Variants in TBX20 observed in about 807,000 individuals in gnomAD.
TBX20 encodes T-box transcription factor TBX20.
Under a neutral mutation model 42.9 loss-of-function variants are expected in TBX20, and 8 were observed. The observed-to-expected ratio is 0.19, with a 90% CI of 0.11 to 0.34. TBX20 has a LOEUF of 0.34. TBX20 is among the 10% of genes least tolerant of loss of function. The probability of loss-of-function intolerance (pLI) is 1.00; values close to 1 mark genes in which losing one functional copy is unlikely to be tolerated. For missense variants in TBX20, 411 were observed against 566.0 expected (o/e 0.73, Z 2.78); for synonymous variants, 198 against 222.8 (o/e 0.89, Z 0.99).
chr7:35,225,551 T>A (rs1469297998), intron 6 of TBX20, among the ~76,000 whole-genome samples: 2 of 152,204 alleles, frequency 1.3e-5, no homozygotes, highest in African/African-American at 4.8e-5. Flanking sequence ...TAGGCCTAGA[T>A]GTGTGCCTAA....
chr7:35,225,915 A>G (rs1405596205), intron 6 of TBX20, among the ~76,000 whole-genome samples: 1 of 152,206 alleles, frequency 6.6e-6, no homozygotes, highest in Non-Finnish European at 1.5e-5. Context: ...ATTTATGAAA[A>G]TTACAACCAT....
intron 7 of TBX20, among the ~76,000 whole-genome samples, chr7:35,203,710 G>C (rs532903000): frequency 6.6e-6 from 1 of 152,322 alleles, no homozygotes; most frequent in Non-Finnish European, 1.5e-5. Flanking sequence ...CACAGGAGTT[G>C]GTTCCCCAAC....
At chr7:35,234,458 T>G (rs1452127284) in intron 5 of TBX20, among the ~76,000 whole-genome samples, 1 of 152,200 alleles carries the variant, frequency 6.6e-6, no homozygotes, top group African/African-American at 2.4e-5. Context: ...CTGCCATACT[T>G]TGAGCAAAGG....
intron 3 of TBX20, among the ~76,000 whole-genome samples, chr7:35,248,054 T>G (rs566944555): frequency 2.0e-5 from 3 of 152,212 alleles, no homozygotes; most frequent in Admixed American, 1.3e-4. Flanking sequence ...ATCCCTAATA[T>G]GTTAACTGAG....
At chr7:35,238,042 A>G (rs1286638825) in intron 5 of TBX20, among the ~76,000 whole-genome samples, 1 of 152,124 alleles carries the variant, frequency 6.6e-6, no homozygotes, top group African/African-American at 2.4e-5. Context: ...CAAATCTGCA[A>G]TGGGAGGAGC....
Position 35,235,265 on chromosome 7 carries a change from A to G in TBX20, c.814-3685T>C, listed in dbSNP as rs562915279. Among the ~76,000 whole-genome samples the G allele has an allele frequency of 1.2e-4, 18 of 148,678 alleles. No homozygotes were observed. The East Asian group carries it at 3.1e-3, about 26-fold the overall frequency. ...ATTCATTTTTAAGGTGTAGTTTTAC[A>G]TCTCTTTATGAAATTTGGGATAACT... is the stretch of plus-strand genomic sequence containing the variant. On this transcript the variant is annotated intron_variant, in intron 5 of 7. Transcript: ENST00000408931.
chr7:35,219,966 C>G (rs1337718260), intron 6 of TBX20, among the ~76,000 whole-genome samples: 1 of 152,110 alleles, frequency 6.6e-6, no homozygotes, highest in Non-Finnish European at 1.5e-5. Flanking sequence ...TATAGAGACT[C>G]TTAGCATGAA....
chr7:35,246,949 A>T (rs1790201362), intron 3 of TBX20, among the ~76,000 whole-genome samples: 1 of 152,082 alleles, frequency 6.6e-6, no homozygotes, highest in Non-Finnish European at 1.5e-5. Context: ...AGTCCCCCAG[A>T]GACTTAAAAT....
chr7:35,253,237 C>T (rs1271963320), intron 1 of TBX20, among the ~76,000 whole-genome samples: 1 of 152,222 alleles, frequency 6.6e-6, no homozygotes, highest in Non-Finnish European at 1.5e-5. Context: ...TACACACACA[C>T]CATATGTCTG....
At chr7:35,222,903 C>A (rs1789706811) in intron 6 of TBX20, among the ~76,000 whole-genome samples, 1 of 152,154 alleles carries the variant, frequency 6.6e-6, no homozygotes, top group Admixed American at 6.5e-5. Flanking sequence ...ATCAAACTTC[C>A]TTTCTTTGGA....
chr7:35,234,832 G>A (rs967636369), intron 5 of TBX20, among the ~76,000 whole-genome samples: 3 of 152,122 alleles, frequency 2.0e-5, no homozygotes, highest in African/African-American at 7.2e-5. Context: ...AAAATTGTAT[G>A]GGAGCTCTGG....
At chr7:35,214,723 AAAC>A (rs573900641) in intron 6 of TBX20, among the ~76,000 whole-genome samples, 108 of 152,326 alleles carry the variant, frequency 7.1e-4, no homozygotes, top group African/African-American at 1.8e-3. Flanking sequence ...ACCGCTAATA[AAAC>A]AACAACTATA....
At chr7:35,240,828 C>A in intron 5 of TBX20, 51 bp downstream of exon 5, 2 of 1,537,774 alleles carry the variant, frequency 1.3e-6, no homozygotes, top group Non-Finnish European at 1.8e-6. Flanking sequence ...ATATAAGAAC[C>A]TCCTAAATCC....
chr7:35,210,770 A>G (rs1789484235), intron 6 of TBX20, among the ~76,000 whole-genome samples: 1 of 152,256 alleles, frequency 6.6e-6, no homozygotes, highest in African/African-American at 2.4e-5. Flanking sequence ...TTTACTTTCA[A>G]CTTATGTCTT....
chr7:35,253,623 T>A lies in TBX20; in HGVS notation c.-3A>T. 1 of 1,610,994 alleles carries A rather than the reference T, an allele frequency of 6.2e-7. No individual in the cohort carries two copies. Among genetic ancestry groups the A allele is most frequent in the Non-Finnish European group, 8.5e-7 (1 of 1,179,700 alleles). ...TTGGGGGACGCCGTGAACTCCATGG[T>A]CCCCAGCACGCGGTCCTGGCCAGGG... On this transcript the variant is annotated 5_prime_UTR_variant, in exon 1 of 8. Transcript: ENST00000408931.
At chr7:35,207,653 T>C (rs1376976857) in intron 6 of TBX20, among the ~76,000 whole-genome samples, 2 of 152,334 alleles carry the variant, frequency 1.3e-5, no homozygotes, top group East Asian at 3.9e-4. Context: ...CTTGAGTTAA[T>C]TTTATATATG....
intron 6 of TBX20, among the ~76,000 whole-genome samples, chr7:35,213,316 T>C (rs989923846): frequency 1.3e-5 from 2 of 152,188 alleles, no homozygotes; most frequent in Non-Finnish European, 2.9e-5. Context: ...CCCATACCAA[T>C]TAAATCACAA....
chr7:35,206,754 T>C lies in TBX20; in HGVS notation c.891-2172A>G, dbSNP rs140617343. ...TAATTTCTGTTCTTGCAGATTAGTC[T>C]GCATTTTCTAAACTTTTACAAAGAT... On this transcript the variant is annotated intron_variant, in intron 6 of 7. Transcript: ENST00000408931. Among the ~76,000 whole-genome samples the C allele has an allele frequency of 7.1e-3, 1,089 of 152,332 alleles. 19 individuals carry two copies. The highest frequency in any genetic ancestry group is 0.025 in the African/African-American group (1,024 of 41,578).
intron 4 of TBX20, among the ~76,000 whole-genome samples, chr7:35,241,779 A>G (rs554876944): frequency 1.3e-5 from 2 of 152,356 alleles, no homozygotes; most frequent in South Asian, 4.1e-4. Context: ...AGTACTCAGA[A>G]ATCATAAACA....
Sources: allele counts gnomAD v4.1 joint callset (sites outside exome capture counted in the v4.1 genomes callset), GRCh38; gene constraint gnomAD v4.1.1; transcripts MANE v1.5; gene names NCBI Gene and HGNC (gene_info 2026-07-23, HGNC 2026-07-21).